Variants in UNC13C observed in about 807,000 individuals in gnomAD.
UNC13C encodes the protein unc-13 homolog C, also known as protein unc-13 homolog C.
A neutral mutation model predicts 245.4 loss-of-function variants in UNC13C; 174 were observed. That is an observed-to-expected ratio of 0.71 (90% CI 0.63 to 0.80). UNC13C has a LOEUF of 0.80. UNC13C is among the 30% of genes least tolerant of loss of function. The probability of loss-of-function intolerance (pLI) is 0.00; values close to 1 mark genes in which losing one functional copy is unlikely to be tolerated. For missense variants in UNC13C, 2,829 were observed against 2,602.9 expected, an observed-to-expected ratio of 1.09 and a Z score of -1.89; for synonymous variants, 992 against 895.1, an observed-to-expected ratio of 1.11 and a Z score of -1.93.
chr15:54,289,783 A>G (rs2037248421), intron 10 of UNC13C, among the ~76,000 whole-genome samples: 1 of 152,078 alleles, frequency 6.6e-6, no homozygotes, highest in South Asian at 2.1e-4. Flanking sequence ...GTATCACAGT[A>G]CTACATAGCA....
At chr15:54,553,454 TAA>T (rs1269041752) in intron 28 of UNC13C, among the ~76,000 whole-genome samples, 50 of 136,862 alleles carry the variant, frequency 3.7e-4, no homozygotes, top group East Asian at 1.4e-3. Flanking sequence ...TTATAATATA[TAA>T]TATATATTAC....
At chr15:54,518,052 G>A (rs1321543405) in intron 24 of UNC13C, among the ~76,000 whole-genome samples, 2 of 152,074 alleles carry the variant, frequency 1.3e-5, no homozygotes, top group East Asian at 1.9e-4. Context: ...CTTTTATTGT[G>A]GCAACATGCA....
Position 54,530,487 on chromosome 15 carries a change from C to T in UNC13C, c.5547-2430C>T, listed in dbSNP as rs150664250. 5.7e-3 allele frequency among the ~76,000 whole-genome samples: 871 copies of T among 152,168 alleles called. 4 individuals are homozygous for T. The highest frequency in any genetic ancestry group is 0.02 in the African/African-American group (823 of 41,520). ...AAACAAAATTCCTGCTCTCATGGGG[C>T]TTACATTATAGGGAGGGAAACAGGC... On this transcript the variant is annotated intron_variant, in intron 25 of 32. Coordinates refer to ENST00000260323, the MANE Select transcript of UNC13C (RefSeq NM_001080534.3).
At chr15:54,038,634 T>C (rs1896689179) in intron 2 of UNC13C, among the ~76,000 whole-genome samples, 1 of 152,202 alleles carries the variant, frequency 6.6e-6, no homozygotes, top group African/African-American at 2.4e-5. Context: ...TTCCAAGTGA[T>C]TAAGTGATTC....
intron 7 of UNC13C, among the ~76,000 whole-genome samples, chr15:54,243,466 A>C (rs1168663344): frequency 1.3e-5 from 2 of 152,168 alleles, no homozygotes; most frequent in African/African-American, 4.8e-5. Flanking sequence ...GTATCTTTAC[A>C]ACAGAATGAT....
chr15:54,179,597 T>A (rs1395467765), intron 4 of UNC13C, among the ~76,000 whole-genome samples: 1 of 151,998 alleles, frequency 6.6e-6, no homozygotes, highest in Middle Eastern at 3.2e-3. Context: ...AAAGAAAGAA[T>A]ACTAATTAAA....
At chr15:54,577,838 A>G (rs1258365526) in intron 30 of UNC13C, among the ~76,000 whole-genome samples, 7 of 152,190 alleles carry the variant, frequency 4.6e-5, no homozygotes, top group African/African-American at 9.7e-5. Flanking sequence ...ATACTCTGAT[A>G]CTTGAAAAAT....
chr15:54,105,143 T>C (rs981030820), intron 2 of UNC13C, among the ~76,000 whole-genome samples: 11 of 152,240 alleles, frequency 7.2e-5, no homozygotes, highest in African/African-American at 2.4e-4. Flanking sequence ...TATTTAACTT[T>C]TTAATTTTTA....
At chr15:54,529,810 A>G (rs1038278342) in intron 25 of UNC13C, among the ~76,000 whole-genome samples, 2 of 151,966 alleles carry the variant, frequency 1.3e-5, no homozygotes, top group Non-Finnish European at 2.9e-5. Flanking sequence ...TCATTTGACC[A>G]TTTTCCAAGC....
At chr15:54,086,177 A>C (rs981099654) in intron 2 of UNC13C, among the ~76,000 whole-genome samples, 1 of 152,192 alleles carries the variant, frequency 6.6e-6, no homozygotes, top group Non-Finnish European at 1.5e-5. Flanking sequence ...TGGTCTATCT[A>C]GCTGTAACAG....
intron 19 of UNC13C, among the ~76,000 whole-genome samples, chr15:54,441,146 A>C (rs1011770088): frequency 6.6e-6 from 1 of 152,012 alleles, no homozygotes; most frequent in African/African-American, 2.4e-5. Context: ...TTTGCTCTGC[A>C]GAAGTATTTT....
Position 54,628,526 on chromosome 15 carries a change from T to TAATG in UNC13C, c.*1415_*1418dup, listed in dbSNP as rs1901342782. 6.6e-6 allele frequency: 1 copy of TAATG among 152,624 alleles called. No homozygotes were observed. Among genetic ancestry groups the TAATG allele is most frequent in the Non-Finnish European group, 1.5e-5 (1 of 68,040 alleles). The allele number at this position is 152,624 out of a possible 1,614,324, so 9.5% of individuals were successfully genotyped here. The stretch of plus-strand genomic sequence containing the variant: ...TTAAACTGTTAGGCCACTGCTTTGT[T>TAATG]AATGACTCCTCTAAATGCATAGTGT... On this transcript the variant is annotated 3_prime_UTR_variant, in exon 33 of 33. Transcript: ENST00000260323.
At chr15:53,881,612 C>A in the UNC13C span, among the ~76,000 whole-genome samples, 1 of 152,162 alleles carries the variant, frequency 6.6e-6, no homozygotes, top group Non-Finnish European at 1.5e-5. Flanking sequence ...CTGTCTTTAG[C>A]CAGTGATCGG....
intron 18 of UNC13C, among the ~76,000 whole-genome samples, chr15:54,395,012 T>G (rs2040041073): frequency 7.0e-6 from 1 of 143,884 alleles, no homozygotes; most frequent in Non-Finnish European, 1.6e-5. Flanking sequence ...TTTTTTCAAT[T>G]TTGTTTTTAA....
chr15:53,846,907 G>A, the UNC13C span, among the ~76,000 whole-genome samples: 15,050 of 152,138 alleles, frequency 0.099, 917 homozygotes, highest in Non-Finnish European at 0.14. Flanking sequence ...GCAAAGCTCC[G>A]TGACTGTGAG....
At chr15:54,349,725 A>C (rs1425049120) in intron 17 of UNC13C, among the ~76,000 whole-genome samples, 1 of 152,198 alleles carries the variant, frequency 6.6e-6, no homozygotes, top group East Asian at 1.9e-4. Flanking sequence ...CTCTGGGTAC[A>C]TATTTTCACA....
chr15:54,124,652 T>TA (rs2030912363), intron 2 of UNC13C, among the ~76,000 whole-genome samples: 4 of 127,340 alleles, frequency 3.1e-5, no homozygotes, highest in Non-Finnish European at 6.8e-5. Context: ...AATAATTGAT[T>TA]CTTTCATATT....
chr15:53,889,794 G>T, the UNC13C span, among the ~76,000 whole-genome samples: 2,336 of 152,242 alleles, frequency 0.015, 98 homozygotes, highest in East Asian at 0.13. Flanking sequence ...GGCCTTTTCT[G>T]CATCTATTGA....
chr15:53,985,708 A>G (rs1245932202), intron 1 of UNC13C, among the ~76,000 whole-genome samples: 1 of 151,940 alleles, frequency 6.6e-6, no homozygotes, highest in Non-Finnish European at 1.5e-5. Context: ...TTAGTAGGGG[A>G]GCTGCCTACC....
Sources: gnomAD v4.1 joint callset for allele counts (sites outside exome capture counted in the v4.1 genomes callset) on GRCh38, gnomAD v4.1.1 for gene constraint, MANE v1.5 for transcripts, NCBI Gene and HGNC (gene_info 2026-07-23, HGNC 2026-07-21) for gene names.